The following DYM variants were observed in gnomAD, a reference collection of about 807,000 sequenced individuals.
The protein encoded by DYM is dyggve-Melchior-Clausen syndrome protein.
DYM carries 78 observed loss-of-function variants against 93.1 expected under a neutral mutation model. The observed-to-expected ratio is 0.84, with a 90% CI of 0.70 to 1.01. The LOEUF (loss-of-function observed/expected upper bound fraction) is 1.01, where lower values mean the gene tolerates loss of function less well. DYM is among the 50% of genes least tolerant of loss of function. DYM has a pLI of 0.00. For missense variants in DYM, 789 were observed against 845.0 expected, an observed-to-expected ratio of 0.93 and a Z score of 0.82; for synonymous variants, 321 against 319.7, an observed-to-expected ratio of 1.00 and a Z score of -0.04.
intron 11 of DYM, among the ~76,000 whole-genome samples, chr18:49,266,076 C>T (rs987990588): frequency 4.0e-5 from 6 of 151,550 alleles, no homozygotes; most frequent in South Asian, 2.1e-4. Context: ...ACGAGAATTG[C>T]GTAAAACAGA....
At chr18:49,349,659 A>G (rs531403687) in intron 6 of DYM, among the ~76,000 whole-genome samples, 1 of 152,364 alleles carries the variant, frequency 6.6e-6, no homozygotes, top group East Asian at 1.9e-4. Flanking sequence ...GCAAATGCAC[A>G]TAAGAATCAC....
chr18:49,089,587 C>T (rs187306681), intron 17 of DYM, among the ~76,000 whole-genome samples: 2 of 152,330 alleles, frequency 1.3e-5, no homozygotes. Flanking sequence ...CTGGTCCATA[C>T]AGTAGTGGTT....
chr18:49,181,775 GTTTTAA>G (rs1222546655), intron 14 of DYM, among the ~76,000 whole-genome samples: 1 of 152,044 alleles, frequency 6.6e-6, no homozygotes. Context: ...TGAGCTTTTG[GTTTTAA>G]TTTTATCTAC....
chr18:49,242,620 G>A (rs1264235086), intron 13 of DYM, among the ~76,000 whole-genome samples: 1 of 152,170 alleles, frequency 6.6e-6, no homozygotes, highest in Non-Finnish European at 1.5e-5. Flanking sequence ...GTTCGATGAA[G>A]GAAGTTTTGC....
rs1333883703 is a variant in DYM at position 49,331,996 on chromosome 18, T to C, written c.631A>G (p.Thr211Ala). 2.5e-6 allele frequency: 4 copies of C among 1,613,844 alleles called. No homozygotes were observed. Among genetic ancestry groups the C allele is most frequent in the Non-Finnish European group, 3.4e-6 (4 of 1,179,880 alleles). Residue 211 changes from threonine to alanine, a missense_variant, in exon 8 of 18, where the codon ACC becomes GCC. Physicochemically the swap from Thr to Ala is moderately conservative, Grantham distance 58. Around this residue, in one of 3 missense-constraint regions of DYM, gnomAD observed 450 missense variants for 436.2 expected, o/e 1.03. Transcript: ENST00000675505. ...AATAAGGTCTTCACAAGTTTGCTGG[T>C]GTATGGAAGACTATACAAAAAGGAA... ...YLMRGPCLPY[T>A]SKLVKTLLYN...
At chr18:49,060,122 CAT>C (rs2144617295) in intron 17 of DYM, among the ~76,000 whole-genome samples, 1 of 152,288 alleles carries the variant, frequency 6.6e-6, no homozygotes, top group South Asian at 2.1e-4. Flanking sequence ...AATCCTCTAA[CAT>C]AACCTAATGT....
chr18:49,345,301 G>A (rs1253812955), intron 6 of DYM, among the ~76,000 whole-genome samples: 1 of 151,932 alleles, frequency 6.6e-6, no homozygotes, highest in African/African-American at 2.4e-5. Flanking sequence ...TCCATATCTA[G>A]CTGCAGGGAA....
chr18:49,247,649 T>C (rs75046676), intron 13 of DYM, among the ~76,000 whole-genome samples: 11,702 of 152,230 alleles, frequency 0.077, 731 homozygotes, highest in East Asian at 0.31. Flanking sequence ...CTGATAAACA[T>C]ATGACATGTT....
chr18:49,189,745 A>G (rs2145656027), intron 14 of DYM, among the ~76,000 whole-genome samples: 1 of 152,346 alleles, frequency 6.6e-6, no homozygotes, highest in East Asian at 1.9e-4. Flanking sequence ...TATCAGTAAT[A>G]AAGCCACAGG....
rs180684534 is a variant in DYM, at chr18:49,187,570, G to A, written c.1625+21981C>T. Among the ~76,000 whole-genome samples the A allele has an allele frequency of 1.7e-3, 257 of 152,052 alleles. 1 individual carries two copies. Among genetic ancestry groups the A allele is most frequent in the African/African-American group, 6.0e-3 (250 of 41,490 alleles). On this transcript the variant is annotated intron_variant, in intron 14 of 17. Coordinates refer to ENST00000675505, the MANE Select transcript of DYM (RefSeq NM_001353214.3). ...ACATCACAGTTTAAGACAAATACAA[G>A]GAATTAAAATTCAAAGCTGAAATAG...
rs576668346 is a variant in DYM, at chr18:49,197,913, G to A, written c.1625+11638C>T. ...TTCATATGGAACCAAAAAAGAGCCCGCATCGCCAAGTCAATCCTAAGCCAA... is the reference window on the plus strand; with the variant it reads ...TTCATATGGAACCAAAAAAGAGCCCACATCGCCAAGTCAATCCTAAGCCAA... On this transcript the variant is annotated intron_variant, in intron 14 of 17. Transcript: ENST00000675505. 1.9e-3 allele frequency among the ~76,000 whole-genome samples: 286 copies of A among 152,242 alleles called. 1 individual carries two copies. The highest frequency in any genetic ancestry group is 6.2e-3 in the African/African-American group (259 of 41,546).
At chr18:49,066,703 C>A (rs937700884) in intron 17 of DYM, among the ~76,000 whole-genome samples, 1 of 152,078 alleles carries the variant, frequency 6.6e-6, no homozygotes, top group African/African-American at 2.4e-5. Flanking sequence ...AGTATCTGTA[C>A]AATTTGGATT....
At chr18:49,255,499 C>A (rs958667935) in intron 13 of DYM, among the ~76,000 whole-genome samples, 1 of 151,916 alleles carries the variant, frequency 6.6e-6, no homozygotes, top group African/African-American at 2.4e-5. Context: ...ATGGTGAAAC[C>A]CTGTCTCTAC....
intron 11 of DYM, among the ~76,000 whole-genome samples, chr18:49,260,901 C>T (rs1477258370): frequency 6.6e-6 from 1 of 151,210 alleles, no homozygotes; most frequent in African/African-American, 2.4e-5. Context: ...AAGTATTTAG[C>T]TGCCCCTCCT....
chr18:49,351,571 C>G (rs1448347877), intron 6 of DYM, among the ~76,000 whole-genome samples: 1 of 151,426 alleles, frequency 6.6e-6, no homozygotes, highest in Non-Finnish European at 1.5e-5. Context: ...ATTCTAAAAT[C>G]TTCCACCGAG....
intron 11 of DYM, among the ~76,000 whole-genome samples, chr18:49,265,351 G>C (rs1008728879): frequency 1.3e-5 from 2 of 152,218 alleles, no homozygotes; most frequent in African/African-American, 2.4e-5. Context: ...AATCTAGAGA[G>C]AGAAACAAGT....
intron 15 of DYM, among the ~76,000 whole-genome samples, chr18:49,136,322 C>A (rs527294121): frequency 3.9e-4 from 59 of 152,292 alleles, no homozygotes; most frequent in Non-Finnish European, 5.6e-4. Flanking sequence ...CCCAAAGGAA[C>A]CCAAAAGCAT....
At chr18:49,164,458 G>A (rs2087610545) in intron 14 of DYM, among the ~76,000 whole-genome samples, 1 of 152,162 alleles carries the variant, frequency 6.6e-6, no homozygotes. Context: ...CTGTCTCGAG[G>A]AACATTGCAG....
intron 6 of DYM, among the ~76,000 whole-genome samples, chr18:49,351,724 GCCTA>G (rs1261909586): frequency 2.0e-5 from 3 of 152,104 alleles, no homozygotes; most frequent in Admixed American, 6.5e-5. Context: ...CTCATAACTA[GCCTA>G]CCTATCATTC....
Sources: gnomAD v4.1 joint callset for allele counts (sites outside exome capture counted in the v4.1 genomes callset) on GRCh38, gnomAD v4.1.1 for gene constraint, gnomAD v4.1.1 regional missense constraint, MANE v1.5 for transcripts, NCBI Gene and HGNC (gene_info 2026-07-23, HGNC 2026-07-21) for gene names.